Variants in USP53 observed in about 807,000 individuals in gnomAD.
USP53 encodes the protein ubiquitin specific peptidase 53, also known as ubiquitin carboxyl-terminal hydrolase 53.
In USP53, 71 loss-of-function variants were observed where a neutral mutation model predicts 94.9. That is an observed-to-expected ratio of 0.75 (90% confidence interval 0.62 to 0.91). USP53 has a LOEUF of 0.91. Ranked by LOEUF, USP53 falls within the 40% of genes least tolerant of loss-of-function variation. The pLI is 0.00. For synonymous variants in USP53, 375 were observed against 422.7 expected (o/e 0.89, Z 1.39); for missense variants, 1,173 against 1,281.0 (o/e 0.92, Z 1.29).
chr4:119,261,830 A>G lies in USP53; in HGVS notation c.938A>G (p.Lys313Arg). The G allele has an allele frequency of 6.7e-7, 1 of 1,500,126 alleles. No individual in the cohort carries two copies. The highest frequency in any genetic ancestry group is 1.4e-5 in the South Asian group (1 of 72,164). 92.9% of individuals were successfully genotyped at this position (1,500,126 alleles called of 1,614,324 possible). A position where few individuals can be genotyped will look rare whatever the true frequency, so the allele number is the denominator to read the frequency against. The part of the protein sequence containing the change: ...CAFAFHTKSS[K>R]WVFFDDANVK... ...TTTGCATTTCACACCAAAAGTTCCAAATGGGTATTTTTTGATGATGCAAAT... is the reference window on the plus strand; with the variant it reads ...TTTGCATTTCACACCAAAAGTTCCAGATGGGTATTTTTTGATGATGCAAAT... Residue 313 changes from lysine (K) to arginine (R), a missense_variant, in exon 12 of 19, where the codon AAA becomes AGA. Physicochemically the swap from Lys to Arg is conservative, Grantham distance 26. Coordinates refer to ENST00000692078, the MANE Select transcript of USP53 (RefSeq NM_001371395.1).
chr4:119,269,618 T>C, intron 14 of USP53, 73 bp from the exon 15 acceptor site: 1 of 1,036,904 alleles, frequency 9.6e-7, no homozygotes, highest in Non-Finnish European at 1.3e-6. Context: ...CATTTTTATA[T>C]AGATCAATTT....
chr4:119,213,372 G>A (rs1743146182), intron 1 of USP53, among the ~76,000 whole-genome samples: 1 of 151,972 alleles, frequency 6.6e-6, no homozygotes, highest in Admixed American at 6.6e-5. Context: ...TTGGGGTGGT[G>A]GTTTCTCAGT....
At chr4:119,244,738 A>C (rs1380999686) in intron 5 of USP53, among the ~76,000 whole-genome samples, 1 of 152,174 alleles carries the variant, frequency 6.6e-6, no homozygotes, top group African/African-American at 2.4e-5. Flanking sequence ...TTTGTCTTTT[A>C]GTAGCAGAAG....
At chr4:119,213,641 G>GAGATATAT (rs1553961987) in intron 1 of USP53, among the ~76,000 whole-genome samples, 3 of 108,112 alleles carry the variant, frequency 2.8e-5, no homozygotes, top group African/African-American at 1.3e-4. Flanking sequence ...TCTGGAAATA[G>GAGATATAT]ATATATATAT....
Position 119,293,825 on chromosome 4 carries a change from C to A in USP53, c.*614C>A, listed in dbSNP as rs1755028963. ...CACTGCATATGATCCCTTTAAGTGTCTTTAAAAAAAATGACTTATGAATTT... is the reference window on the plus strand; with the variant it reads ...CACTGCATATGATCCCTTTAAGTGTATTTAAAAAAAATGACTTATGAATTT... On this transcript the variant is annotated 3_prime_UTR_variant, in exon 19 of 19. Coordinates refer to ENST00000692078, the MANE Select transcript of USP53 (RefSeq NM_001371395.1). The A allele has an allele frequency of 3.1e-5, 2 of 64,488 alleles. No homozygotes were observed. Among genetic ancestry groups the A allele is most frequent in the Admixed American group, 3.0e-4 (2 of 6,580 alleles). 4.0% of individuals were successfully genotyped at this position (64,488 alleles called of 1,614,324 possible).
chr4:119,260,367 A>G, intron 10 of USP53, 140 bp from the exon 11 acceptor site: 1 of 555,946 alleles, frequency 1.8e-6, no homozygotes, highest in Non-Finnish European at 2.8e-6. Flanking sequence ...ATTAAGACAA[A>G]CAGCTTGTTA....
rs1221134077 is a variant in USP53, at chr4:119,271,300, G to T, written c.1440G>T (p.Leu480Phe). ...QRKDLGRHRD[L>F]VDEDLSHFQS... ...TCTTTAATTTTTTTTTTTAAGATTTGGTTGATGAAGACCTTTCACATTTCC... is the reference window on the plus strand; with the variant it reads ...TCTTTAATTTTTTTTTTTAAGATTTTGTTGATGAAGACCTTTCACATTTCC... Residue 480 changes from leucine (L) to phenylalanine (F), a missense_variant, in exon 16 of 19, where the codon TTG (leucine) becomes TTT (phenylalanine). Coordinates refer to ENST00000692078, the MANE Select transcript of USP53 (RefSeq NM_001371395.1). 7.2e-6 allele frequency: 11 copies of T among 1,537,076 alleles called. No homozygotes were observed. The highest frequency in any genetic ancestry group is 7.0e-6 in the Non-Finnish European group (8 of 1,147,528).
chr4:119,279,684 G>T (rs11725433), intron 17 of USP53, among the ~76,000 whole-genome samples: 15,922 of 152,142 alleles, frequency 0.1, 933 homozygotes, highest in Non-Finnish European at 0.13. Context: ...GCAATGGCGG[G>T]CGCCCCTCCC....
In USP53 at chr4:119,239,516, A is replaced by T; in HGVS notation, c.-244A>T. ...AATTTAACACATATAAACATCTTTA[A>T]CGCCTTGTTTAAAATAGCTTTCTTT... On this transcript the variant is annotated 5_prime_UTR_variant, in exon 5 of 19. Coordinates refer to ENST00000692078, the MANE Select transcript of USP53 (RefSeq NM_001371395.1). 1 of 458,758 alleles carries T rather than the reference A, an allele frequency of 2.2e-6. No individual in the cohort carries two copies. Among genetic ancestry groups the T allele is most frequent in the Non-Finnish European group, 3.8e-6 (1 of 264,616 alleles). The allele number at this position is 458,758 out of a possible 1,614,324, so 28.4% of individuals were successfully genotyped here.
intron 6 of USP53, among the ~76,000 whole-genome samples, chr4:119,247,715 G>A (rs1417413796): frequency 6.6e-6 from 1 of 152,142 alleles, no homozygotes; most frequent in African/African-American, 2.4e-5. Context: ...GAATCAATGA[G>A]TGACAGTCTC....
chr4:119,214,524 A>T (rs1431112153), intron 2 of USP53, among the ~76,000 whole-genome samples: 1 of 152,064 alleles, frequency 6.6e-6, no homozygotes, highest in African/African-American at 2.4e-5. Context: ...CAATTCGTTA[A>T]TATTTTCACT....
At chr4:119,227,290 C>CACACACACACACAG (rs1745412446) in intron 3 of USP53, among the ~76,000 whole-genome samples, 2 of 140,726 alleles carry the variant, frequency 1.4e-5, no homozygotes, top group African/African-American at 5.0e-5. Context: ...CACACACACA[C>CACACACACACACAG]ACACACACAA....
chr4:119,280,775 C>G (rs1293023165), intron 17 of USP53, among the ~76,000 whole-genome samples: 1 of 152,108 alleles, frequency 6.6e-6, no homozygotes, highest in African/African-American at 2.4e-5. Flanking sequence ...AGTGTAGTCT[C>G]TTCTTAGGAG....
At chr4:119,264,153 C>T (rs1055725780) in intron 12 of USP53, among the ~76,000 whole-genome samples, 3 of 152,080 alleles carry the variant, frequency 2.0e-5, no homozygotes, top group African/African-American at 7.2e-5. Flanking sequence ...ATACCCAAGA[C>T]TACAAAGTTC....
chr4:119,213,908 T>TAGGA (rs3052217), intron 1 of USP53, among the ~76,000 whole-genome samples, 162 bp from the exon 2 acceptor site: 102,957 of 150,118 alleles, frequency 0.69, 35,681 homozygotes, highest in African/African-American at 0.78. Flanking sequence ...GCAGTACACT[T>TAGGA]AGGAAGGTTT....
At chr4:119,240,515 A>G (rs1046941446) in intron 5 of USP53, among the ~76,000 whole-genome samples, 1 of 152,192 alleles carries the variant, frequency 6.6e-6, no homozygotes, top group Non-Finnish European at 1.5e-5. Context: ...TATAGATTTT[A>G]TAGATCCTGT....
At chr4:119,220,930 G>T in intron 3 of USP53, 1 of 152,262 alleles carries the variant, frequency 6.6e-6, no homozygotes. Flanking sequence ...GAGGATTCTG[G>T]CCAAACTGAC....
intron 3 of USP53, among the ~76,000 whole-genome samples, chr4:119,223,124 C>A (rs954671596): frequency 4.6e-5 from 7 of 152,046 alleles, no homozygotes; most frequent in African/African-American, 1.7e-4. Context: ...ACAAATGTAT[C>A]TTTTAGTGAG....
In USP53 at chr4:119,292,992, C is replaced by CTCCTT. The variant is rs1561369146; in HGVS notation, c.3007_3008insTTCCT (p.Ser1003PhefsTer22). The stretch of plus-strand genomic sequence containing the variant: ...GCAACACACCAAACTGTCCATCCAG[C>CTCCTT]TCCTCAACTAACGATTTTCAGGCAA... On this transcript the variant is annotated frameshift_variant, in exon 19 of 19. Transcript: ENST00000692078. LOFTEE classifies it low-confidence loss of function (END_TRUNC). 6.2e-7 allele frequency: 1 copy of CTCCTT among 1,614,088 alleles called. No homozygotes were observed. Among genetic ancestry groups the CTCCTT allele is most frequent in the East Asian group, 2.2e-5 (1 of 44,884 alleles).
Sources: allele counts gnomAD v4.1 joint callset (sites outside exome capture counted in the v4.1 genomes callset), GRCh38; gene constraint gnomAD v4.1.1; transcripts MANE v1.5; gene names NCBI Gene and HGNC (gene_info 2026-07-23, HGNC 2026-07-21).